TTC6: variants seen among roughly 807,000 people sequenced by gnomAD.
TTC6 encodes the protein tetratricopeptide repeat protein 6.
A neutral mutation model predicts 210.4 loss-of-function variants in TTC6; 172 were observed. The observed-to-expected ratio is 0.82, with a 90% CI of 0.72 to 0.93. The LOEUF is 0.93. Among genes scored for constraint, TTC6 ranks in the 40% least tolerant of loss-of-function variants. TTC6 has a pLI of 0.00. For missense variants in TTC6, 2,414 were observed against 2,318.1 expected (o/e 1.04, Z -0.85); for synonymous variants, 804 against 819.6 (o/e 0.98, Z 0.32).
chr14:37,622,738 G>C, exon 1 of TTC6: 2 of 1,535,104 alleles, frequency 1.3e-6, no homozygotes, highest in Non-Finnish European at 1.7e-6. Context: ...AGGAAAGTGA[G>C]GATCCGCAGC....
chr14:37,800,829 C>T (rs758677708), intron 20 of TTC6, among the ~76,000 whole-genome samples: 2 of 152,138 alleles, frequency 1.3e-5, no homozygotes, highest in Non-Finnish European at 2.9e-5. Flanking sequence ...ACAATTTGGA[C>T]TTAGACAGAG....
chr14:37,597,721 G>A (rs890722392), intron 1 of TTC6, among the ~76,000 whole-genome samples: 28 of 152,158 alleles, frequency 1.8e-4, no homozygotes, highest in Non-Finnish European at 5.9e-5. Flanking sequence ...GGATTTCCAC[G>A]AAAACAGCGC....
chr14:37,714,960 T>C (rs908416493), intron 6 of TTC6, among the ~76,000 whole-genome samples, 164 bp downstream of exon 8: 5 of 152,150 alleles, frequency 3.3e-5, no homozygotes, highest in African/African-American at 1.2e-4. Flanking sequence ...AGAGGATTGC[T>C]TGAGCCCAGG....
chr14:37,673,026 A>C (rs900120022), intron 1 of TTC6, among the ~76,000 whole-genome samples: 19 of 152,162 alleles, frequency 1.2e-4, no homozygotes, highest in African/African-American at 4.3e-4. Context: ...ATTTAGTTAT[A>C]GATAGTGCCT....
intron 1 of TTC6, among the ~76,000 whole-genome samples, chr14:37,623,886 A>C (rs1288519219): frequency 6.6e-6 from 1 of 152,196 alleles, no homozygotes; most frequent in Non-Finnish European, 1.5e-5. Context: ...GGACATTGAC[A>C]GCAAAAGCAG....
chr14:37,671,224 G>A (rs1239910841), intron 1 of TTC6, among the ~76,000 whole-genome samples: 3 of 152,146 alleles, frequency 2.0e-5, no homozygotes, highest in Non-Finnish European at 4.4e-5. Context: ...CTCCCCATGG[G>A]ACTGCTTAAG....
intron 5 of TTC6, among the ~76,000 whole-genome samples, chr14:37,712,674 G>A (rs563340035): frequency 4.6e-5 from 7 of 152,152 alleles, no homozygotes; most frequent in Non-Finnish European, 1.0e-4. Flanking sequence ...ACAAAAGGGG[G>A]AAAAGCCCCT....
intron 13 of TTC6, 48 bp from the exon 16 acceptor site, chr14:37,753,051 A>ATT (rs373839993): frequency 1.4e-6 from 2 of 1,418,364 alleles, no homozygotes; most frequent in African/African-American, 2.9e-5. Flanking sequence ...TATATACTTC[A>ATT]TTTTTTTTCA....
At chr14:37,799,482 G>A (rs905608944) in intron 20 of TTC6, among the ~76,000 whole-genome samples, 8 of 152,076 alleles carry the variant, frequency 5.3e-5, no homozygotes, top group African/African-American at 1.7e-4. Flanking sequence ...CCCTCAACAA[G>A]TTATGCCCTT....
intron 1 of TTC6, among the ~76,000 whole-genome samples, chr14:37,624,868 G>C (rs186558101): frequency 6.6e-6 from 1 of 151,974 alleles, no homozygotes; most frequent in Admixed American, 6.6e-5. Context: ...TGATCCGCCC[G>C]CCTCGGCCTC....
At chr14:37,798,662 C>T (rs934843679) in intron 20 of TTC6, among the ~76,000 whole-genome samples, 14 of 151,976 alleles carry the variant, frequency 9.2e-5, no homozygotes, top group African/African-American at 3.4e-4. Flanking sequence ...GTGACAAAGA[C>T]ACCCTTATTT....
exon 12 of TTC6, chr14:37,749,811 A>C: frequency 6.9e-7 from 1 of 1,439,516 alleles, no homozygotes; most frequent in South Asian, 1.5e-5. Flanking sequence ...GATGACTTGA[A>C]TTATATACAT....
At chr14:37,790,880 A>C in intron 16 of TTC6, 43 bp downstream of exon 18, 1 of 1,487,170 alleles carries the variant, frequency 6.7e-7, no homozygotes, top group Non-Finnish European at 8.9e-7. Context: ...GTTTTGTAAA[A>C]AATCGAAAAC....
Position 37,672,067 on chromosome 14 carries a change from A to G in TTC6, c.940-8084A>G, listed in dbSNP as rs76171476. 1.6e-3 allele frequency among the ~76,000 whole-genome samples: 247 copies of G among 152,278 alleles called. 5 individuals are homozygous for G. In the East Asian group the frequency reaches 0.04, roughly 25 times the overall value. On this transcript the variant is annotated intron_variant, in intron 1 of 30. Coordinates refer to ENST00000553443, the Ensembl canonical transcript of TTC6. Reference sequence around the variant, plus strand: ...AGTGTGAAAACAGACTAATACACTCAGTTTGTGTCTTGGGAATTTTAGTTT... The same window carrying G: ...AGTGTGAAAACAGACTAATACACTCGGTTTGTGTCTTGGGAATTTTAGTTT...
chr14:37,714,700 C>A (rs1001347687), exon 6 of TTC6: 23 of 1,535,158 alleles, frequency 1.5e-5, no homozygotes, highest in African/African-American at 9.6e-5. Context: ...AAGAATATGT[C>A]CATATTCCTC....
intron 14 of TTC6, among the ~76,000 whole-genome samples, chr14:37,768,395 A>T (rs2096006313): frequency 1.3e-5 from 2 of 151,764 alleles, no homozygotes; most frequent in Admixed American, 6.6e-5. Flanking sequence ...CTTGGGAAGT[A>T]TGGCCATTTT....
chr14:37,608,270 C>T (rs138138770), intron 2 of TTC6, among the ~76,000 whole-genome samples: 354 of 151,706 alleles, frequency 2.3e-3, no homozygotes, highest in African/African-American at 7.9e-3. Context: ...TATGGTTTAG[C>T]GCTTACAAGT....
At chr14:37,599,606 G>C (rs2095611496) in intron 1 of TTC6, among the ~76,000 whole-genome samples, 1 of 152,146 alleles carries the variant, frequency 6.6e-6, no homozygotes, top group South Asian at 2.1e-4. Flanking sequence ...GCCGGATGTC[G>C]GAGCCGGAGC....
At chr14:37,687,399 A>G (rs7142653) in intron 3 of TTC6, among the ~76,000 whole-genome samples, 151,619 of 152,216 alleles carry the variant, frequency 1, 75,519 homozygotes, top group Middle Eastern at 1. Flanking sequence ...GAAGGGCAAT[A>G]TAGGCCACAA....
Sources: allele counts gnomAD v4.1 joint callset (sites outside exome capture counted in the v4.1 genomes callset), GRCh38; gene constraint gnomAD v4.1.1; transcripts MANE v1.5; gene names NCBI Gene and HGNC (gene_info 2026-07-23, HGNC 2026-07-21).